FER: variants seen among roughly 807,000 people sequenced by gnomAD.
FER encodes FER tyrosine kinase, also known as tyrosine-protein kinase Fer.
A neutral mutation model predicts 111.0 loss-of-function variants in FER; 63 were observed. The ratio of observed to expected loss-of-function variants is 0.57; its 90% CI spans 0.46 to 0.70. The LOEUF (loss-of-function observed/expected upper bound fraction) is 0.70. FER is among the 30% of genes least tolerant of loss of function. FER has a pLI of 0.00. For synonymous variants in FER, 327 were observed against 313.9 expected (o/e 1.04, Z -0.44); for missense variants, 914 against 954.0 (o/e 0.96, Z 0.55).
chr5:109,111,139 A>G (rs1026192941), intron 17 of FER, among the ~76,000 whole-genome samples: 1 of 152,162 alleles, frequency 6.6e-6, no homozygotes, highest in Admixed American at 6.6e-5. Flanking sequence ...AGACCCATTG[A>G]TTTTGAGAGA....
chr5:109,167,728 T>G (rs898477246), intron 17 of FER, among the ~76,000 whole-genome samples: 1 of 152,142 alleles, frequency 6.6e-6, no homozygotes, highest in African/African-American at 2.4e-5. Context: ...ATAGTAAAAA[T>G]AGCCTACTAG....
intron 17 of FER, among the ~76,000 whole-genome samples, chr5:109,120,119 G>T (rs1157094298): frequency 6.6e-6 from 1 of 151,982 alleles, no homozygotes; most frequent in Non-Finnish European, 1.5e-5. Context: ...AACTTCATTT[G>T]ATCACATTTG....
chr5:109,096,466 C>T lies in FER; in HGVS notation c.1925-3930C>T, dbSNP rs140338404. Among the ~76,000 whole-genome samples, 8 of 151,978 alleles carry T rather than the reference C, an allele frequency of 5.3e-5. No individual in the cohort carries two copies. In the East Asian group the frequency reaches 7.7e-4, roughly 15 times the overall value. On this transcript the variant is annotated intron_variant, in intron 16 of 19. Transcript: ENST00000281092. Reference sequence around the variant, plus strand: ...ATGTAATTTGGTGGCTCAGGCGTGTCACCAATGGCTAGTATCTTCACTCTT... The same window carrying T: ...ATGTAATTTGGTGGCTCAGGCGTGTTACCAATGGCTAGTATCTTCACTCTT...
chr5:109,151,959 A>T (rs75293782), intron 17 of FER, among the ~76,000 whole-genome samples: 15,942 of 152,140 alleles, frequency 0.1, 848 homozygotes, highest in Non-Finnish European at 0.12. Context: ...CTTAGGATCA[A>T]TGCAAGAATT....
Position 109,025,095 on chromosome 5 carries a change from C to T in FER, c.1657-12327C>T, listed in dbSNP as rs566478547. 7.7e-3 allele frequency among the ~76,000 whole-genome samples: 1,163 copies of T among 151,918 alleles called. 10 individuals carry two copies. Among genetic ancestry groups the T allele is most frequent in the African/African-American group, 0.027 (1,122 of 41,380 alleles). On this transcript the variant is annotated intron_variant, in intron 13 of 19. Transcript: ENST00000281092. ...TTCTTTTGGCTTAGGATTGACTTGG[C>T]GATGTGGGCTCTGTTTTGGTTCCAT...
At chr5:108,794,039 G>A (rs1314388619) in intron 2 of FER, among the ~76,000 whole-genome samples, 1 of 151,826 alleles carries the variant, frequency 6.6e-6, no homozygotes, top group Non-Finnish European at 1.5e-5. Context: ...TCTTTTTTCT[G>A]AAGACCAGAG....
chr5:108,781,636 A>T (rs933351276), intron 2 of FER, among the ~76,000 whole-genome samples: 1 of 152,122 alleles, frequency 6.6e-6, no homozygotes, highest in African/African-American at 2.4e-5. Flanking sequence ...CTACAGTCCA[A>T]TGATTATATC....
intron 17 of FER, among the ~76,000 whole-genome samples, chr5:109,118,698 T>C (rs748405229): frequency 6.6e-6 from 1 of 152,204 alleles, no homozygotes; most frequent in Non-Finnish European, 1.5e-5. Context: ...GTTATTGGTC[T>C]ATTCAGGGAT....
chr5:108,953,573 A>G (rs868685897), intron 11 of FER, among the ~76,000 whole-genome samples: 1 of 152,032 alleles, frequency 6.6e-6, no homozygotes, highest in African/African-American at 2.4e-5. Flanking sequence ...AACATGAAAT[A>G]GAACTTTGAG....
At chr5:109,021,579 G>C (rs1020640506) in intron 13 of FER, among the ~76,000 whole-genome samples, 2 of 151,836 alleles carry the variant, frequency 1.3e-5, no homozygotes, top group African/African-American at 4.8e-5. Flanking sequence ...TTAGCTACTA[G>C]CTTTTAGTTT....
At chr5:109,000,882 G>A (rs374646777) in intron 13 of FER, among the ~76,000 whole-genome samples, 49 of 152,186 alleles carry the variant, frequency 3.2e-4, no homozygotes, top group South Asian at 1.7e-3. Context: ...ACACCTCTAC[G>A]CAAATAAACT....
chr5:108,924,621 C>T (rs984210505), intron 10 of FER: 55 of 1,231,380 alleles, frequency 4.5e-5, no homozygotes, highest in Non-Finnish European at 5.3e-5. Context: ...AAATTGACTT[C>T]CTTGGGCCCA....
At chr5:109,141,555 G>A (rs1462462165) in intron 17 of FER, among the ~76,000 whole-genome samples, 1 of 152,208 alleles carries the variant, frequency 6.6e-6, no homozygotes, top group Non-Finnish European at 1.5e-5. Context: ...ACACAGCTAA[G>A]TTTATTTCTT....
chr5:109,036,856 C>A (rs1770476559), intron 13 of FER, among the ~76,000 whole-genome samples: 1 of 151,886 alleles, frequency 6.6e-6, no homozygotes, highest in African/African-American at 2.4e-5. Context: ...GCATCACTGG[C>A]CTTATGCACC....
intron 3 of FER, among the ~76,000 whole-genome samples, chr5:108,812,827 A>C (rs1757903479): frequency 6.6e-6 from 1 of 152,122 alleles, no homozygotes; most frequent in East Asian, 1.9e-4. Context: ...CATCTATAAT[A>C]ATATTCTTGC....
At chr5:109,042,197 T>C (rs935203148) in intron 14 of FER, among the ~76,000 whole-genome samples, 3 of 152,096 alleles carry the variant, frequency 2.0e-5, no homozygotes, top group African/African-American at 7.2e-5. Context: ...TCATCTTACA[T>C]TGACTGACAT....
intron 5 of FER, among the ~76,000 whole-genome samples, chr5:108,860,503 C>T (rs1370259762): frequency 6.6e-6 from 1 of 152,164 alleles, no homozygotes; most frequent in Non-Finnish European, 1.5e-5. Flanking sequence ...GAGACTAGTA[C>T]TGACTTTTTA....
intron 8 of FER, among the ~76,000 whole-genome samples, chr5:108,881,608 T>G (rs934590007): frequency 6.6e-6 from 1 of 152,140 alleles, no homozygotes; most frequent in Non-Finnish European, 1.5e-5. Context: ...CTCATAGATA[T>G]GGAGGCTGGG....
At chr5:108,987,341 G>A (rs1762685239) in intron 13 of FER, among the ~76,000 whole-genome samples, 2 of 152,094 alleles carry the variant, frequency 1.3e-5, no homozygotes, top group African/African-American at 4.8e-5. Flanking sequence ...AGCTACTTGG[G>A]AGGCTAAGGC....
Sources: allele counts gnomAD v4.1 joint callset (sites outside exome capture counted in the v4.1 genomes callset), GRCh38; gene constraint gnomAD v4.1.1; transcripts MANE v1.5; gene names NCBI Gene and HGNC (gene_info 2026-07-23, HGNC 2026-07-21).